The following HIPK2 variants were observed in gnomAD, a reference collection of about 807,000 sequenced individuals.
HIPK2 encodes homeodomain-interacting protein kinase 2.
In HIPK2, 27 loss-of-function variants were observed where a neutral mutation model predicts 113.7. The ratio of observed to expected loss-of-function variants is 0.24; its 90% CI spans 0.17 to 0.33. The LOEUF is 0.33. Among genes scored for constraint, HIPK2 ranks in the 10% least tolerant of loss-of-function variants. The pLI is 1.00. For synonymous variants in HIPK2, 631 were observed against 642.2 expected (o/e 0.98, Z 0.26); for missense variants, 1,257 against 1,588.0 (o/e 0.79, Z 3.54).
chr7:139,628,258 T>C (rs1239031024), intron 5 of HIPK2, among the ~76,000 whole-genome samples: 1 of 152,166 alleles, frequency 6.6e-6, no homozygotes, highest in Non-Finnish European at 1.5e-5. Flanking sequence ...TGTGGGGGAA[T>C]GAAAGTCTGT....
At position 139,583,974 on chromosome 7, in the gene HIPK2, G is replaced by A; in HGVS notation, c.2808C>T (p.Tyr936=). 1 of 1,614,076 alleles carries A rather than the reference G, an allele frequency of 6.2e-7. No individual in the cohort carries two copies. The highest frequency in any genetic ancestry group is 8.5e-7 in the Non-Finnish European group (1 of 1,179,888). ...YSDSSSNTSP[Y]SVQQRAGHNN... Reference sequence around the variant, plus strand: ...TGTGCCCAGCACGCTGCTGCACGGAGTAGGGGCTGGTGTTGCTGGAGGAGT... The same window carrying A: ...TGTGCCCAGCACGCTGCTGCACGGAATAGGGGCTGGTGTTGCTGGAGGAGT... Residue 936 remains tyrosine (Y), a synonymous_variant, in exon 13 of 15, where the codon TAC becomes TAT. Coordinates refer to ENST00000406875, the MANE Select transcript of HIPK2 (RefSeq NM_022740.5).
intron 2 of HIPK2, among the ~76,000 whole-genome samples, chr7:139,673,390 G>C (rs1802374954): frequency 6.6e-6 from 1 of 152,188 alleles, no homozygotes; most frequent in Non-Finnish European, 1.5e-5. Flanking sequence ...CAGGAGACCA[G>C]CCTGTCTGGG....
chr7:139,652,650 GTC>G (rs897263397), intron 2 of HIPK2, among the ~76,000 whole-genome samples: 7 of 152,330 alleles, frequency 4.6e-5, no homozygotes, highest in Admixed American at 2.0e-4. Context: ...AAAAAAGACA[GTC>G]TCTGTTCTCA....
chr7:139,600,536 G>A lies in HIPK2; in HGVS notation c.2316C>T (p.Thr772=), dbSNP rs34816493. The A allele has an allele frequency of 1.9e-5, 30 of 1,613,896 alleles. No homozygotes were observed. Among genetic ancestry groups the A allele is most frequent in the African/African-American group, 9.3e-5 (7 of 74,928 alleles). ...GTGCTGCTGGAAGGGTCACATGACC[G>A]GTCAATAGTGCAGGCTGCTGCATGA... ...NPIMQQPALL[T]GHVTLPAAQP... Residue 772 remains threonine (T), a synonymous_variant, in exon 11 of 15, where the codon ACC becomes ACT. Coordinates refer to ENST00000406875, the MANE Select transcript of HIPK2 (RefSeq NM_022740.5).
intron 1 of HIPK2, among the ~76,000 whole-genome samples, chr7:139,732,953 C>G (rs1477950419): frequency 6.6e-6 from 1 of 151,626 alleles, no homozygotes; most frequent in Non-Finnish European, 1.5e-5. Flanking sequence ...CTGGATCATG[C>G]GGGTGGTTTC....
intron 1 of HIPK2, among the ~76,000 whole-genome samples, chr7:139,760,792 T>A (rs1796449288): frequency 6.6e-6 from 1 of 152,182 alleles, no homozygotes; most frequent in African/African-American, 2.4e-5. Context: ...TAGAAACAAG[T>A]CACCTCTGCA....
intron 2 of HIPK2, among the ~76,000 whole-genome samples, chr7:139,656,581 G>C (rs536028410): frequency 1.8e-4 from 28 of 152,272 alleles, no homozygotes; most frequent in African/African-American, 6.5e-4. Context: ...CCTGCTGCCT[G>C]ACTCACTTTC....
intron 13 of HIPK2, among the ~76,000 whole-genome samples, chr7:139,583,013 G>C (rs1443205742): frequency 1.3e-5 from 2 of 152,178 alleles, no homozygotes; most frequent in African/African-American, 2.4e-5. Flanking sequence ...CTCACATCTA[G>C]ACAAAAGCTT....
chr7:139,747,422 A>C (rs184620577), intron 1 of HIPK2, among the ~76,000 whole-genome samples: 1 of 152,150 alleles, frequency 6.6e-6, no homozygotes, highest in Admixed American at 6.5e-5. Context: ...CCGGCACTTG[A>C]AACCTGCAAA....
At chr7:139,656,579 C>A (rs1240479662) in intron 2 of HIPK2, among the ~76,000 whole-genome samples, 1 of 152,194 alleles carries the variant, frequency 6.6e-6, no homozygotes, top group African/African-American at 2.4e-5. Context: ...AGCCTGCTGC[C>A]TGACTCACTT....
At position 139,716,885 on chromosome 7, in the gene HIPK2, C is replaced by A. The variant is rs747849937; in HGVS notation, c.150G>T (p.Val50=). 1.5e-5 allele frequency: 24 copies of A among 1,613,876 alleles called. No individual in the cohort carries two copies. In the South Asian group the frequency reaches 2.3e-4, roughly 16 times the overall value. The change falls in exon 2 of 15, where the codon GTG becomes GTT. Residue 50 remains valine (V), a synonymous_variant. Transcript: ENST00000406875. This position sits in a 1 kb window ranked among gnomAD's most constrained non-coding sequence, Gnocchi z 9.3. ...GGGGGATGTTCTTGCTCTGGCTATACACTTTGCTGTGGGAGCCGTACCCAG... is the reference window on the plus strand; with the variant it reads ...GGGGGATGTTCTTGCTCTGGCTATAAACTTTGCTGTGGGAGCCGTACCCAG... ...DMTGYGSHSK[V]YSQSKNIPLS...
intron 2 of HIPK2, among the ~76,000 whole-genome samples, chr7:139,713,261 G>A (rs114097609): frequency 3.3e-5 from 5 of 152,254 alleles, no homozygotes; most frequent in Admixed American, 6.5e-5. Context: ...ACCCACAGAG[G>A]GGGGCAGGAG....
At chr7:139,724,780 T>C (rs1795521411) in intron 1 of HIPK2, among the ~76,000 whole-genome samples, 1 of 148,400 alleles carries the variant, frequency 6.7e-6, no homozygotes, top group Admixed American at 6.8e-5. Flanking sequence ...GAACATGCGG[T>C]GTTTGGTTTT....
intron 1 of HIPK2, among the ~76,000 whole-genome samples, chr7:139,749,564 C>T (rs902971050): frequency 3.3e-5 from 5 of 152,242 alleles, no homozygotes; most frequent in African/African-American, 4.8e-5. Flanking sequence ...ATGGCCATCA[C>T]TGTGTTAACT....
At chr7:139,596,170 T>A (rs1211465683) in intron 12 of HIPK2, among the ~76,000 whole-genome samples, 1 of 152,196 alleles carries the variant, frequency 6.6e-6, no homozygotes, top group African/African-American at 2.4e-5. Flanking sequence ...AAAGATTTCT[T>A]CCCTCTCCCC....
intron 11 of HIPK2, 74 bp downstream of exon 11, chr7:139,600,343 C>T (rs1799377591): frequency 6.6e-7 from 1 of 1,508,696 alleles, no homozygotes. Context: ...GGTGCTGATA[C>T]TCCCTAAACT....
intron 1 of HIPK2, among the ~76,000 whole-genome samples, chr7:139,763,392 G>C (rs1796499561): frequency 6.6e-6 from 1 of 151,794 alleles, no homozygotes; most frequent in African/African-American, 2.4e-5. Flanking sequence ...GCTTAGGCTA[G>C]CTACAGGGAT....
chr7:139,622,167 A>C (rs1800257203), intron 6 of HIPK2, among the ~76,000 whole-genome samples: 1 of 152,160 alleles, frequency 6.6e-6, no homozygotes, highest in Non-Finnish European at 1.5e-5. Flanking sequence ...CAAGTTTCAA[A>C]TGACTGACTG....
At chr7:139,581,405 AGTT>A (rs1377248928) in intron 13 of HIPK2, among the ~76,000 whole-genome samples, 1 of 152,136 alleles carries the variant, frequency 6.6e-6, no homozygotes, top group East Asian at 1.9e-4. Context: ...CCTGGGACTT[AGTT>A]GTTGAACTTT....
Sources: gnomAD v4.1 joint callset for allele counts (sites outside exome capture counted in the v4.1 genomes callset) on GRCh38, gnomAD v4.1.1 for gene constraint, Gnocchi (gnomAD v3.1) non-coding constraint, MANE v1.5 for transcripts, NCBI Gene and HGNC (gene_info 2026-07-23, HGNC 2026-07-21) for gene names.